CLSTN2: variants seen among roughly 807,000 people sequenced by gnomAD.
CLSTN2 encodes the protein calsyntenin 2, also known as calsyntenin-2.
A neutral mutation model predicts 101.2 loss-of-function variants in CLSTN2; 48 were observed. That is an observed-to-expected ratio of 0.47 (90% CI 0.38 to 0.60). CLSTN2 has a LOEUF of 0.60. Ranked by LOEUF, CLSTN2 falls within the 20% of genes least tolerant of loss-of-function variation. The pLI, the probability that CLSTN2 is intolerant of heterozygous loss-of-function variation, is 0.00. For synonymous variants in CLSTN2, 481 were observed against 463.6 expected, an observed-to-expected ratio of 1.04 and a Z score of -0.48; for missense variants, 1,160 against 1,238.2, an observed-to-expected ratio of 0.94 and a Z score of 0.95.
intron 2 of CLSTN2, among the ~76,000 whole-genome samples, chr3:140,212,984 A>C (rs1220418492): frequency 6.6e-6 from 1 of 152,204 alleles, no homozygotes; most frequent in Non-Finnish European, 1.5e-5. Flanking sequence ...AGAGTGTCTG[A>C]TTCCCAGGAG....
At chr3:140,281,817 C>G (rs1373433529) in intron 2 of CLSTN2, among the ~76,000 whole-genome samples, 1 of 151,960 alleles carries the variant, frequency 6.6e-6, no homozygotes, top group African/African-American at 2.4e-5. Context: ...GAAAGTCCAG[C>G]CTTAAGGGTG....
chr3:140,241,415 C>T (rs558835497), intron 2 of CLSTN2, among the ~76,000 whole-genome samples: 12 of 152,130 alleles, frequency 7.9e-5, no homozygotes, highest in Admixed American at 5.2e-4. Context: ...GTGAGTCCAC[C>T]GACCTTGATC....
intron 1 of CLSTN2, among the ~76,000 whole-genome samples, chr3:140,046,792 T>C (rs2007890414): frequency 6.6e-6 from 1 of 152,198 alleles, no homozygotes; most frequent in Non-Finnish European, 1.5e-5. Flanking sequence ...TGGACAGCTT[T>C]GGTTTCATCT....
intron 1 of CLSTN2, among the ~76,000 whole-genome samples, chr3:140,011,069 T>C (rs372723108): frequency 6.6e-6 from 1 of 152,272 alleles, no homozygotes; most frequent in East Asian, 1.9e-4. Context: ...GGTCAGAGGA[T>C]AAACAGGTTG....
intron 2 of CLSTN2, among the ~76,000 whole-genome samples, chr3:140,230,197 G>T (rs2086357992): frequency 1.3e-5 from 2 of 152,140 alleles, no homozygotes; most frequent in African/African-American, 4.8e-5. Flanking sequence ...TGGCATGGTT[G>T]CTGATGTATG....
At chr3:140,089,516 G>A (rs2008738799) in intron 1 of CLSTN2, among the ~76,000 whole-genome samples, 1 of 152,030 alleles carries the variant, frequency 6.6e-6, no homozygotes, top group African/African-American at 2.4e-5. Context: ...AACTCCCAAA[G>A]CAGTAAAGAA....
In CLSTN2 at chr3:140,227,200, G is replaced by T. The variant is rs193173658; in HGVS notation, c.232+51127G>T. Among the ~76,000 whole-genome samples the T allele has an allele frequency of 1.2e-3, 176 of 152,296 alleles. 2 individuals carry two copies. The highest frequency in any genetic ancestry group is 8.6e-3 in the Admixed American group (131 of 15,294). On this transcript the variant is annotated intron_variant, in intron 2 of 16. Coordinates refer to ENST00000458420, the MANE Select transcript of CLSTN2 (RefSeq NM_022131.3). Reference sequence around the variant, plus strand: ...AACCTGTAAAATCAAAAGCAAGTTAGTTACTTCCTAGATACAATGGGAGTA... The same window carrying T: ...AACCTGTAAAATCAAAAGCAAGTTATTTACTTCCTAGATACAATGGGAGTA...
At chr3:140,159,699 A>G (rs778511430) in intron 1 of CLSTN2, among the ~76,000 whole-genome samples, 2 of 152,308 alleles carry the variant, frequency 1.3e-5, no homozygotes, top group Non-Finnish European at 2.9e-5. Context: ...ATTCTACCAA[A>G]AAGACACACA....
At position 140,050,082 on chromosome 3, in the gene CLSTN2, C is replaced by T. The variant is rs540034775; in HGVS notation, c.109+114599C>T. On this transcript the variant is annotated intron_variant, in intron 1 of 16. Transcript: ENST00000458420. ...CCCTATCTCAGAGTATCAAGGATTA[C>T]ATGAGTTAATCTGTAGAAACTGCTT... Among the ~76,000 whole-genome samples the T allele has an allele frequency of 1.3e-3, 191 of 152,314 alleles. 1 individual carries two copies. The highest frequency in any genetic ancestry group is 4.4e-3 in the African/African-American group (182 of 41,572).
intron 1 of CLSTN2, among the ~76,000 whole-genome samples, chr3:140,095,081 C>T (rs565158044): frequency 1.3e-5 from 2 of 152,256 alleles, no homozygotes; most frequent in African/African-American, 2.4e-5. Flanking sequence ...ATTCTTAACC[C>T]TTCAAGAGTC....
chr3:140,439,020 G>A (rs1307262671), intron 5 of CLSTN2, among the ~76,000 whole-genome samples: 1 of 152,228 alleles, frequency 6.6e-6, no homozygotes, highest in Non-Finnish European at 1.5e-5. Context: ...TAAAAGGAAA[G>A]GAGGGCTTGG....
rs1002335161 is a variant in CLSTN2 at position 140,031,530 on chromosome 3, C to A, written c.109+96047C>A. On this transcript the variant is annotated intron_variant, in intron 1 of 16. Transcript: ENST00000458420. ...AGCCAAATTCTCGCTGTTTTGCTAT[C>A]CAACTTTCAGGAACTAAATAGGTTC... Among the ~76,000 whole-genome samples the A allele has an allele frequency of 2.6e-5, 4 of 152,182 alleles. No homozygotes were observed. In the East Asian group the frequency reaches 7.7e-4, roughly 29 times the overall value.
intron 5 of CLSTN2, among the ~76,000 whole-genome samples, chr3:140,446,820 G>T (rs537071445): frequency 6.6e-6 from 1 of 152,292 alleles, no homozygotes; most frequent in South Asian, 2.1e-4. Context: ...AGCTAAAGGA[G>T]CCCCTCTCTA....
At chr3:140,504,952 G>A (rs9862730) in intron 8 of CLSTN2, among the ~76,000 whole-genome samples, 22,491 of 152,112 alleles carry the variant, frequency 0.15, 2,393 homozygotes, top group African/African-American at 0.31. Context: ...GCAAATATCC[G>A]TAACAGCCTG....
At chr3:140,448,257 G>T (rs950213875) in intron 5 of CLSTN2, among the ~76,000 whole-genome samples, 57 of 151,804 alleles carry the variant, frequency 3.8e-4, no homozygotes, top group African/African-American at 1.3e-3. Context: ...ATGTGAGTAT[G>T]CACGTGCCTG....
At chr3:139,976,517 G>T (rs1415199381) in intron 1 of CLSTN2, among the ~76,000 whole-genome samples, 1 of 152,180 alleles carries the variant, frequency 6.6e-6, no homozygotes, top group Non-Finnish European at 1.5e-5. Context: ...TAAACAACTT[G>T]CCCCAAGCCA....
At chr3:139,984,950 A>C (rs1289263520) in intron 1 of CLSTN2, among the ~76,000 whole-genome samples, 1 of 152,156 alleles carries the variant, frequency 6.6e-6, no homozygotes, top group Non-Finnish European at 1.5e-5. Flanking sequence ...GCTCCAGCCA[A>C]AAATGTTTTC....
At chr3:140,496,881 T>A (rs1056100605) in intron 8 of CLSTN2, among the ~76,000 whole-genome samples, 1 of 152,024 alleles carries the variant, frequency 6.6e-6, no homozygotes, top group Non-Finnish European at 1.5e-5. Context: ...GGCAGGTGGA[T>A]CACCAGGTCA....
intron 1 of CLSTN2, among the ~76,000 whole-genome samples, chr3:140,128,794 A>G (rs1206228569): frequency 6.6e-6 from 1 of 152,190 alleles, no homozygotes; most frequent in African/African-American, 2.4e-5. Context: ...GATGGGGTCC[A>G]TGTGGCCTCC....
Sources: allele counts gnomAD v4.1 joint callset (sites outside exome capture counted in the v4.1 genomes callset), GRCh38; gene constraint gnomAD v4.1.1; transcripts MANE v1.5; gene names NCBI Gene and HGNC (gene_info 2026-07-23, HGNC 2026-07-21).